The following PLIN3 variants were observed in gnomAD, a reference collection of about 807,000 sequenced individuals.
PLIN3 encodes perilipin 3.
PLIN3 carries 30 observed loss-of-function variants against 35.9 expected under a neutral mutation model. The ratio of observed to expected loss-of-function variants is 0.84; its 90% CI spans 0.62 to 1.13. The LOEUF is 1.13. Ranked by LOEUF, PLIN3 falls within the 50% of genes most tolerant of loss-of-function variation. The pLI, the probability that PLIN3 is intolerant of heterozygous loss-of-function variation, is 0.00. For missense variants in PLIN3, 603 were observed against 596.9 expected (o/e 1.01, Z -0.11); for synonymous variants, 261 against 262.5 (o/e 0.99, Z 0.06).
In PLIN3 at chr19:4,855,795, C is replaced by A. The variant is rs188842172; in HGVS notation, c.349-3494G>T. On this transcript the variant is annotated intron_variant, in intron 4 of 7. Transcript: ENST00000221957. Reference sequence around the variant, plus strand: ...AAAATTAGTCAGGTGTGGTGGTGCACACCTGTAGTCCCAGCTTCTCAGGAG... The same window carrying A: ...AAAATTAGTCAGGTGTGGTGGTGCAAACCTGTAGTCCCAGCTTCTCAGGAG... 1.8e-4 allele frequency among the ~76,000 whole-genome samples: 27 copies of A among 151,906 alleles called. No homozygotes were observed. In the East Asian group the frequency reaches 4.9e-3, roughly 27 times the overall value.
In PLIN3 at chr19:4,844,650, C is replaced by T; in HGVS notation, c.960+18G>A. On this transcript the variant is annotated intron_variant, in intron 7 of 7. Coordinates refer to ENST00000221957, the MANE Select transcript of PLIN3 (RefSeq NM_005817.5). ...ACTCCAAGTACCCTAGGCCACCCCC[C>T]AGTCCCCTCATGGGTACCTCTGGCT... is the stretch of plus-strand genomic sequence containing the variant. 1 of 1,511,690 alleles carries T rather than the reference C, an allele frequency of 6.6e-7. No homozygotes were observed. Among genetic ancestry groups the T allele is most frequent in the South Asian group, 1.2e-5 (1 of 85,546 alleles). 93.6% of individuals were successfully genotyped at this position (1,511,690 alleles called of 1,614,324 possible).
intron 1 of PLIN3, among the ~76,000 whole-genome samples, chr19:4,861,846 G>T (rs1287332807): frequency 6.6e-6 from 1 of 151,558 alleles, no homozygotes; most frequent in Admixed American, 6.6e-5. Context: ...TATTGGCCTG[G>T]CTAGTCTTGA....
intron 4 of PLIN3, among the ~76,000 whole-genome samples, chr19:4,853,742 G>A (rs1316252746): frequency 1.3e-5 from 2 of 152,006 alleles, no homozygotes; most frequent in African/African-American, 2.4e-5. Context: ...GAACCCGGGA[G>A]GTGGAGTTTG....
At position 4,858,527 on chromosome 19, in the gene PLIN3, G is replaced by A. The variant is rs750435467; in HGVS notation, c.348+1063C>T. 4.0e-5 allele frequency among the ~76,000 whole-genome samples: 6 copies of A among 150,300 alleles called. No homozygotes were observed. In the East Asian group the frequency reaches 8.1e-4, roughly 20 times the overall value. ...CGAGTAACTAGGACTACAGGCACAC[G>A]CCACCACGCCAAGCTAATTTTTTTT... On this transcript the variant is annotated intron_variant, in intron 4 of 7. Transcript: ENST00000221957.
At chr19:4,850,655 C>T (rs1301051802) in intron 5 of PLIN3, among the ~76,000 whole-genome samples, 6 of 85,930 alleles carry the variant, frequency 7.0e-5, no homozygotes, top group East Asian at 3.6e-4. Flanking sequence ...AGGATGGTCT[C>T]GATCTCCTGA....
rs76046583 is a variant in PLIN3 at position 4,848,517 on chromosome 19, A to C, written c.635-627T>G. Among the ~76,000 whole-genome samples the C allele has an allele frequency of 1.1e-3, 172 of 152,344 alleles. 1 individual carries two copies. In the East Asian group the frequency reaches 0.03, roughly 26 times the overall value. ...ATGTTCATTATGCAGTCCTGCAGAG[A>C]ATAACAGCATTCCAGCCAGCAATAC... On this transcript the variant is annotated intron_variant, in intron 5 of 7. Transcript: ENST00000221957.
At position 4,861,404 on chromosome 19, in the gene PLIN3, A is replaced by G. The variant is rs1330520248; in HGVS notation, c.-10T>C. The G allele has an allele frequency of 6.2e-7, 1 of 1,611,066 alleles. No individual in the cohort carries two copies. Among genetic ancestry groups the G allele is most frequent in the Admixed American group, 1.7e-5 (1 of 59,998 alleles). ...CCCCGTCGGCAGACATGGTCTCTGC[A>G]GCAGACGCTGAGGAGAGAGGAACAG... On this transcript the variant is annotated 5_prime_UTR_variant, in exon 2 of 8. Transcript: ENST00000221957.
intron 6 of PLIN3, among the ~76,000 whole-genome samples, chr19:4,845,473 T>C (rs1381994536): frequency 6.6e-6 from 1 of 151,974 alleles, no homozygotes; most frequent in African/African-American, 2.4e-5. Context: ...TAATGAAATA[T>C]GACTCAGCCT....
chr19:4,863,231 C>G (rs927114099), intron 1 of PLIN3, among the ~76,000 whole-genome samples: 1 of 151,818 alleles, frequency 6.6e-6, no homozygotes, highest in Non-Finnish European at 1.5e-5. Context: ...GGTGCGGTGG[C>G]TCACGCCTGT....
At chr19:4,852,795 C>G (rs1432772487) in intron 4 of PLIN3, among the ~76,000 whole-genome samples, 1 of 151,992 alleles carries the variant, frequency 6.6e-6, no homozygotes, top group Non-Finnish European at 1.5e-5. Context: ...TGCCCGCCAC[C>G]ATGCCTGGCT....
intron 4 of PLIN3, among the ~76,000 whole-genome samples, chr19:4,853,839 A>G (rs1455697388): frequency 6.6e-6 from 1 of 151,780 alleles, no homozygotes; most frequent in African/African-American, 2.4e-5. Flanking sequence ...CAAACAAACA[A>G]AAAAAAGCTT....
At chr19:4,864,746 A>G (rs56354191) in intron 1 of PLIN3, among the ~76,000 whole-genome samples, 37,229 of 151,788 alleles carry the variant, frequency 0.25, 4,960 homozygotes, top group East Asian at 0.42. Flanking sequence ...TGAAGCCACA[A>G]CTCCCTTTTC....
rs374446028 is a variant in PLIN3, at chr19:4,851,396, A to G, written c.634+620T>C. On this transcript the variant is annotated intron_variant, in intron 5 of 7. Coordinates refer to ENST00000221957, the MANE Select transcript of PLIN3 (RefSeq NM_005817.5). ...GGAGACTCGCTTGAACCCAGGAGGCAGAGGTTGCAGTGAGCTGAGATCACG... is the reference window on the plus strand; with the variant it reads ...GGAGACTCGCTTGAACCCAGGAGGCGGAGGTTGCAGTGAGCTGAGATCACG... 5.0e-4 allele frequency among the ~76,000 whole-genome samples: 76 copies of G among 152,144 alleles called. 1 individual carries two copies. In the East Asian group the frequency reaches 0.014, roughly 27 times the overall value.
chr19:4,857,137 G>A (rs867877307), intron 4 of PLIN3, among the ~76,000 whole-genome samples: 3 of 152,012 alleles, frequency 2.0e-5, no homozygotes, highest in African/African-American at 4.8e-5. Context: ...TTTAAAAAGC[G>A]GTGATTAAGG....
At chr19:4,866,536 G>T (rs1049256590) in intron 1 of PLIN3, 1 of 152,178 alleles carries the variant, frequency 6.6e-6, no homozygotes. Context: ...CCGCACTCTG[G>T]CTTCCACGGA....
chr19:4,841,904 CA>C (rs111932271), intron 7 of PLIN3, among the ~76,000 whole-genome samples: 1,388 of 38,628 alleles, frequency 0.036, 7 homozygotes, highest in East Asian at 0.18. Context: ...GACTCCATCT[CA>C]AAAAAAAAAA....
At chr19:4,839,603 CAGGGAAAG>C in intron 7 of PLIN3, 67 bp from the exon 8 acceptor site, 1 of 1,274,446 alleles carries the variant, frequency 7.8e-7, no homozygotes, top group Non-Finnish European at 1.0e-6. Context: ...GAGCTGAAGC[CAGGGAAAG>C]AGGGGAAGAG....
chr19:4,861,831 C>T (rs757806097), intron 1 of PLIN3, among the ~76,000 whole-genome samples: 3 of 151,590 alleles, frequency 2.0e-5, no homozygotes, highest in African/African-American at 7.3e-5. Context: ...GACGGGGTTT[C>T]ACCATATTGG....
chr19:4,850,587 A>ATTTTT (rs71170860), intron 5 of PLIN3, among the ~76,000 whole-genome samples: 29 of 124,630 alleles, frequency 2.3e-4, no homozygotes, highest in African/African-American at 7.9e-4. Flanking sequence ...CGCCCGGCTA[A>ATTTTT]TTTTTTTTTT....
Sources: allele counts gnomAD v4.1 joint callset (sites outside exome capture counted in the v4.1 genomes callset), GRCh38; gene constraint gnomAD v4.1.1; transcripts MANE v1.5; gene names NCBI Gene and HGNC (gene_info 2026-07-23, HGNC 2026-07-21).